RNLS: variants seen among roughly 807,000 people sequenced by gnomAD.
RNLS encodes renalase, FAD dependent amine oxidase.
In RNLS, 39 loss-of-function variants were observed where a neutral mutation model predicts 39.8. The observed-to-expected ratio is 0.98, with a 90% confidence interval of 0.76 to 1.28. The LOEUF is 1.28. RNLS is among the 50% of genes most tolerant of loss of function. RNLS has a pLI of 0.00. For synonymous variants in RNLS, 147 were observed against 150.7 expected, an observed-to-expected ratio of 0.98 and a Z score of 0.18; for missense variants, 410 against 413.3, an observed-to-expected ratio of 0.99 and a Z score of 0.07.
At chr10:88,174,614 G>A in the RNLS span, among the ~76,000 whole-genome samples, 3 of 152,124 alleles carry the variant, frequency 2.0e-5, no homozygotes, top group African/African-American at 7.2e-5. Context: ...AATCTCACCC[G>A]ATTATGGTGT....
intron 4 of RNLS, among the ~76,000 whole-genome samples, chr10:88,488,765 G>A (rs767877863): frequency 2.2e-4 from 34 of 152,264 alleles, no homozygotes; most frequent in Non-Finnish European, 3.8e-4. Context: ...AGTGTGCTAC[G>A]TTATTATGTA....
At chr10:88,184,571 T>C in the RNLS span, among the ~76,000 whole-genome samples, 1 of 152,108 alleles carries the variant, frequency 6.6e-6, no homozygotes, top group Non-Finnish European at 1.5e-5. Context: ...CCCTCAAGTT[T>C]GCCTACACAT....
At chr10:88,415,907 C>T (rs1255589586) in intron 4 of RNLS, among the ~76,000 whole-genome samples, 1 of 152,124 alleles carries the variant, frequency 6.6e-6, no homozygotes, top group Non-Finnish European at 1.5e-5. Flanking sequence ...TTTTCTCCTC[C>T]CTGTGACTGA....
chr10:88,340,770 T>A lies in RNLS; in HGVS notation c.700+21782A>T, dbSNP rs751184714. On this transcript the variant is annotated intron_variant, in intron 5 of 6. Coordinates refer to ENST00000331772, the MANE Select transcript of RNLS (RefSeq NM_001031709.3). ...TTTAATATTCCCTGTAGAATGTAAG[T>A]ACAAGGAGAGGCTGGGTGCGGTGGC... 5.1e-4 allele frequency among the ~76,000 whole-genome samples: 77 copies of A among 152,134 alleles called. 1 individual carries two copies. The highest frequency in any genetic ancestry group is 1.7e-3 in the South Asian group (8 of 4,822).
At chr10:88,408,403 T>C (rs1404122599) in intron 4 of RNLS, among the ~76,000 whole-genome samples, 6 of 151,986 alleles carry the variant, frequency 3.9e-5, no homozygotes. Context: ...TAGTAAGAGG[T>C]GATGCGTTTT....
At chr10:88,259,976 G>A in the RNLS span, among the ~76,000 whole-genome samples, 8 of 152,106 alleles carry the variant, frequency 5.3e-5, no homozygotes, top group African/African-American at 1.2e-4. Context: ...TCTTGACCTC[G>A]TGATCCGCCC....
At chr10:88,494,601 T>C (rs7902230) in intron 4 of RNLS, among the ~76,000 whole-genome samples, 52,697 of 151,966 alleles carry the variant, frequency 0.35, 10,475 homozygotes, top group African/African-American at 0.54. Flanking sequence ...TGAATATGAA[T>C]GGTACATATT....
At chr10:88,508,032 A>G (rs1433693950) in intron 4 of RNLS, among the ~76,000 whole-genome samples, 7 of 152,190 alleles carry the variant, frequency 4.6e-5, no homozygotes, top group Non-Finnish European at 1.0e-4. Flanking sequence ...GAAAGTCTGA[A>G]TTTTAATCTT....
At chr10:88,466,907 CCTT>C (rs1843241557) in intron 4 of RNLS, among the ~76,000 whole-genome samples, 1 of 152,102 alleles carries the variant, frequency 6.6e-6, no homozygotes, top group African/African-American at 2.4e-5. Flanking sequence ...AATAAAAAAA[CCTT>C]CTTTTATTTT....
the RNLS span, among the ~76,000 whole-genome samples, chr10:88,232,211 G>A: frequency 6.6e-6 from 1 of 152,104 alleles, no homozygotes; most frequent in Non-Finnish European, 1.5e-5. Flanking sequence ...CAGGGGCAGG[G>A]GATCTGATGA....
chr10:88,557,344 G>A (rs1023517867), intron 4 of RNLS, among the ~76,000 whole-genome samples: 2 of 152,072 alleles, frequency 1.3e-5, no homozygotes, highest in African/African-American at 4.8e-5. Flanking sequence ...TACTACAAAA[G>A]TGTTCTGTGC....
At chr10:88,203,386 ACACG>A in the RNLS span, among the ~76,000 whole-genome samples, 47 of 9,998 alleles carry the variant, frequency 4.7e-3, 18 homozygotes, top group African/African-American at 0.029. Flanking sequence ...ATATATATAT[ACACG>A]TATGTGTATA....
chr10:88,458,771 C>T (rs914903790), intron 4 of RNLS, among the ~76,000 whole-genome samples: 3 of 152,158 alleles, frequency 2.0e-5, no homozygotes, highest in African/African-American at 7.2e-5. Context: ...TAACAGTCCT[C>T]AACCGGGCTT....
chr10:88,445,910 C>G lies in RNLS; in HGVS notation c.527-83185G>C, dbSNP rs574922593. 1.1e-4 allele frequency among the ~76,000 whole-genome samples: 17 copies of G among 152,254 alleles called. No homozygotes were observed. The South Asian group carries it at 3.5e-3, about 32-fold the overall frequency. Reference sequence around the variant, plus strand: ...GTCAACATTAGACAGATCAACAAGACAGAAAGTTAATAAGGATATCCAGGA... The same window carrying G: ...GTCAACATTAGACAGATCAACAAGAGAGAAAGTTAATAAGGATATCCAGGA... On this transcript the variant is annotated intron_variant, in intron 4 of 6. Coordinates refer to ENST00000331772, the MANE Select transcript of RNLS (RefSeq NM_001031709.3).
chr10:88,292,931 A>G (rs539708827), intron 6 of RNLS, among the ~76,000 whole-genome samples: 10 of 152,072 alleles, frequency 6.6e-5, no homozygotes, highest in Admixed American at 1.3e-4. Flanking sequence ...CGTGCCTGTA[A>G]TCCCAGCTAC....
the RNLS span, among the ~76,000 whole-genome samples, chr10:88,236,959 C>G: frequency 2.0e-5 from 3 of 152,230 alleles, no homozygotes; most frequent in East Asian, 5.8e-4. Context: ...AGGTAGACTA[C>G]TGGAGTGTGT....
intron 4 of RNLS, among the ~76,000 whole-genome samples, chr10:88,489,199 T>C (rs562778376): frequency 6.6e-6 from 1 of 152,328 alleles, no homozygotes; most frequent in East Asian, 1.9e-4. Flanking sequence ...ATATTTTTGG[T>C]CCCTGGAGAT....
chr10:88,505,940 C>T (rs2134130186), intron 4 of RNLS, among the ~76,000 whole-genome samples: 1 of 152,240 alleles, frequency 6.6e-6, no homozygotes, highest in South Asian at 2.1e-4. Context: ...TATTAACTTA[C>T]AGACTTACTT....
At chr10:88,545,871 C>T (rs1317654064) in intron 4 of RNLS, among the ~76,000 whole-genome samples, 1 of 152,040 alleles carries the variant, frequency 6.6e-6, no homozygotes, top group Admixed American at 6.6e-5. Context: ...AATGTATATA[C>T]TTTAAATGGA....
Sources: allele counts gnomAD v4.1 joint callset (sites outside exome capture counted in the v4.1 genomes callset), GRCh38; gene constraint gnomAD v4.1.1; transcripts MANE v1.5; gene names NCBI Gene and HGNC (gene_info 2026-07-23, HGNC 2026-07-21).